Variants in ARFGAP2 observed in about 807,000 individuals in gnomAD.
The protein encoded by ARFGAP2 is ARF GTPase activating protein 2, also known as ADP-ribosylation factor GTPase-activating protein 2.
Under a neutral mutation model 71.9 loss-of-function variants are expected in ARFGAP2, and 45 were observed. That is an observed-to-expected ratio of 0.63 (90% CI 0.49 to 0.80). The LOEUF (loss-of-function observed/expected upper bound fraction) is 0.80, where lower values mean the gene tolerates loss of function less well. ARFGAP2 is among the 30% of genes least tolerant of loss of function. The pLI is 0.00. For missense variants in ARFGAP2, 633 were observed against 673.9 expected (o/e 0.94, Z 0.67); for synonymous variants, 248 against 249.2 (o/e 1.00, Z 0.05).
intron 7 of ARFGAP2, 150 bp from the exon 8 acceptor site, chr11:47,172,483 T>C (rs533809288): frequency 8.9e-6 from 10 of 1,117,846 alleles, no homozygotes; most frequent in South Asian, 1.4e-5. Context: ...CAACCAGCGG[T>C]GTCAAAGCCA....
intron 11 of ARFGAP2, 29 bp from the exon 12 acceptor site, chr11:47,168,072 A>T: frequency 6.2e-7 from 1 of 1,614,136 alleles, no homozygotes. Flanking sequence ...GGCTCAGAGA[A>T]GCCTGATGAG....
Position 47,172,338 on chromosome 11 carries a change from G to GT in ARFGAP2, c.620-6dup, listed in dbSNP as rs746817201. On this transcript the variant is annotated splice_polypyrimidine_tract_variant and splice_region_variant and intron_variant, in intron 7 of 15. Transcript: ENST00000524782. ...CAATGATGGAGCTTTTCAGTTCTGCGTGAGAAACGGGTAGGCATGAGCTAA... is the reference window on the plus strand; with the variant it reads ...CAATGATGGAGCTTTTCAGTTCTGCGTTGAGAAACGGGTAGGCATGAGCTAA... 1.2e-5 allele frequency: 19 copies of GT among 1,613,982 alleles called. No homozygotes were observed. The Admixed American group carries it at 3.2e-4, about 27-fold the overall frequency.
chr11:47,175,178 T>C lies in ARFGAP2; in HGVS notation c.396+4A>G, dbSNP rs1226674158. The C allele has an allele frequency of 6.2e-7, 1 of 1,614,000 alleles. No homozygotes were observed. Among genetic ancestry groups the C allele is most frequent in the Non-Finnish European group, 8.5e-7 (1 of 1,179,976 alleles). On this transcript the variant is annotated splice_donor_region_variant and intron_variant, in intron 4 of 15. Transcript: ENST00000524782. ...CTGCCCCAGCCCCAAGAACAGGCAC[T>C]TACATCAGTGCCATGCCTAGCCAGG...
At chr11:47,172,895 T>C in intron 7 of ARFGAP2, 1 of 781,272 alleles carries the variant, frequency 1.3e-6, no homozygotes, top group Middle Eastern at 3.1e-4. Context: ...GTCACTCTGC[T>C]GGGTTCCAGC....
chr11:47,171,512 A>G lies in ARFGAP2; in HGVS notation c.855T>C (p.Arg285=). 2 of 1,614,002 alleles carry G rather than the reference A, an allele frequency of 1.2e-6. No individual in the cohort carries two copies. The highest frequency in any genetic ancestry group is 1.7e-6 in the Non-Finnish European group (2 of 1,180,002). Residue 285 remains arginine, a synonymous_variant, in exon 10 of 16, where the codon CGT becomes CGC. Transcript: ENST00000524782. ...TCTGTAGCTTCTTTTCCTCTTTCTT[A>G]CGATCAATCTGGAGCTCCTGGTAGG... The part of the protein sequence containing the change: ...RLAYQELQID[R]KKEEKKLQNL...
chr11:47,176,014 G>A, intron 2 of ARFGAP2, 91 bp from the exon 3 acceptor site: 1 of 1,311,032 alleles, frequency 7.6e-7, no homozygotes, highest in South Asian at 1.2e-5. Flanking sequence ...TCAGGCTGCT[G>A]TAGGCACCCA....
At chr11:47,176,295 T>C in intron 2 of ARFGAP2, 1 of 597,340 alleles carries the variant, frequency 1.7e-6, no homozygotes, top group South Asian at 2.1e-5. Context: ...AGCCTGACCG[T>C]CAAAAAAGAG....
chr11:47,173,219 C>T, intron 7 of ARFGAP2: 1 of 649,832 alleles, frequency 1.5e-6, no homozygotes, highest in East Asian at 3.0e-5. Flanking sequence ...ATACACCAGC[C>T]CACCCAGATT....
chr11:47,170,722 A>C (rs1952567005), intron 10 of ARFGAP2, among the ~76,000 whole-genome samples: 1 of 152,198 alleles, frequency 6.6e-6, no homozygotes, highest in Non-Finnish European at 1.5e-5. Context: ...TGTGAAGCCA[A>C]GGTACTTAAA....
intron 8 of ARFGAP2, 101 bp downstream of exon 8, chr11:47,172,180 G>T: frequency 8.3e-7 from 1 of 1,209,570 alleles, no homozygotes; most frequent in Non-Finnish European, 1.2e-6. Context: ...CAGTACCTTT[G>T]CCAAAGTCAT....
Position 47,167,985 on chromosome 11 carries a change from C to T in ARFGAP2, c.1129G>A (p.Ala377Thr). 1 of 1,614,160 alleles carries T rather than the reference C, an allele frequency of 6.2e-7. No individual in the cohort carries two copies. Among genetic ancestry groups the T allele is most frequent in the Non-Finnish European group, 8.5e-7 (1 of 1,180,010 alleles). ...TCTACCCTGTCCATACCCCAGGCAG[C>T]ATCTGTATCCCAGCGGGAGCCAAAG... ...ESFGSRWDTDAAWGMDRVEEK... is the reference protein window; with the variant it reads ...ESFGSRWDTDTAWGMDRVEEK... Residue 377 changes from alanine (A) to threonine (T), a missense_variant, in exon 12 of 16, where the codon GCT becomes ACT. Transcript: ENST00000524782.
rs747439028 is a variant in ARFGAP2, at chr11:47,173,851, G to A, written c.481-11C>T. On this transcript the variant is annotated splice_polypyrimidine_tract_variant and intron_variant, in intron 5 of 15. Coordinates refer to ENST00000524782, the MANE Select transcript of ARFGAP2 (RefSeq NM_032389.6). ...ATCCCAGGCAGGGGGCTGAAAAGGA[G>A]GCCAGATCACAGATGCCTCGGTGAG... is the stretch of plus-strand genomic sequence containing the variant. 7.5e-6 allele frequency: 12 copies of A among 1,591,614 alleles called. No individual in the cohort carries two copies. Among genetic ancestry groups the A allele is most frequent in the South Asian group, 2.3e-5 (2 of 87,748 alleles).
chr11:47,176,819 G>C lies in ARFGAP2; in HGVS notation c.35C>G (p.Thr12Ser). The change falls in exon 1 of 16, where the codon ACT becomes AGT. Residue 12 changes from threonine (T) to serine (S), a missense_variant. Coordinates refer to ENST00000524782, the MANE Select transcript of ARFGAP2 (RefSeq NM_032389.6). ...AACTGCGCGAAGCCTCTTAAAAAGA[G>C]TCTGGATTTCGGTCTTGTTCGGCTC... is the stretch of plus-strand genomic sequence containing the variant. ...AAEPNKTEIQ[T>S]LFKRLRAVPT... 2 of 1,614,042 alleles carry C rather than the reference G, an allele frequency of 1.2e-6. No individual in the cohort carries two copies. Among genetic ancestry groups the C allele is most frequent in the South Asian group, 1.1e-5 (1 of 91,084 alleles).
rs113036198 is a variant in ARFGAP2, at chr11:47,173,272, A to G, written c.619+154T>C. On this transcript the variant is annotated intron_variant, in intron 7 of 15. Coordinates refer to ENST00000524782, the MANE Select transcript of ARFGAP2 (RefSeq NM_032389.6). ...TGGCTCTAAAATCAGTGTTGCATCCACTATTTCAATCACAGTCCCCACTCC... is the reference window on the plus strand; with the variant it reads ...TGGCTCTAAAATCAGTGTTGCATCCGCTATTTCAATCACAGTCCCCACTCC... 449 of 902,220 alleles carry G rather than the reference A, an allele frequency of 5.0e-4. No homozygotes were observed. The African/African-American group carries it at 6.4e-3, about 13-fold the overall frequency. 55.9% of individuals were successfully genotyped at this position (902,220 alleles called of 1,614,324 possible).
intron 10 of ARFGAP2, chr11:47,168,723 A>G (rs1590949032): frequency 6.3e-6 from 1 of 159,976 alleles, no homozygotes; most frequent in Middle Eastern, 3.2e-3. Context: ...GGGTTTCGCC[A>G]CATTGCCCAG....
chr11:47,170,188 G>A lies in ARFGAP2; in HGVS notation c.941+1238C>T, dbSNP rs561024997. Among the ~76,000 whole-genome samples the A allele has an allele frequency of 8.6e-5, 13 of 151,836 alleles. No homozygotes were observed. In the East Asian group the frequency reaches 1.8e-3, roughly 21 times the overall value. On this transcript the variant is annotated intron_variant, in intron 10 of 15. Coordinates refer to ENST00000524782, the MANE Select transcript of ARFGAP2 (RefSeq NM_032389.6). ...AAAATACAAAAATAAGCTGGGCATG[G>A]TGGCACATGCCTGTAATCACAGCTT...
chr11:47,175,385 A>G (rs767341698), intron 3 of ARFGAP2, 72 bp from the exon 4 acceptor site: 6 of 1,604,966 alleles, frequency 3.7e-6, no homozygotes, highest in Admixed American at 3.3e-5. Flanking sequence ...GCTGTAGGAG[A>G]CATCTCCTTA....
At position 47,175,886 on chromosome 11, in the gene ARFGAP2, G is replaced by A. The variant is rs749447149; in HGVS notation, c.229C>T (p.Leu77=). The change falls in exon 3 of 16, where the codon CTG becomes TTG. Residue 77 remains leucine, a synonymous_variant. Coordinates refer to ENST00000524782, the MANE Select transcript of ARFGAP2 (RefSeq NM_032389.6). ...ELDSNWNWFQ[L]RCMQVGGNAN... ...TTCCCGCCGACCTGCATACACCTCA[G>A]CTGGAACCAGTTCCAGTTGGAATCC... 1.2e-6 allele frequency: 2 copies of A among 1,614,170 alleles called. No individual in the cohort carries two copies. The highest frequency in any genetic ancestry group is 3.3e-5 in the Admixed American group (2 of 60,012).
At chr11:47,176,189 G>A (rs969543844) in intron 2 of ARFGAP2, 3 of 589,882 alleles carry the variant, frequency 5.1e-6, no homozygotes, top group African/African-American at 3.7e-5. Context: ...CCTAATGGAT[G>A]GTCACAGTCT....
Sources: allele counts gnomAD v4.1 joint callset (sites outside exome capture counted in the v4.1 genomes callset), GRCh38; gene constraint gnomAD v4.1.1; transcripts MANE v1.5; gene names NCBI Gene and HGNC (gene_info 2026-07-23, HGNC 2026-07-21).